Variants in PLCZ1 observed in about 807,000 individuals in gnomAD.
The protein encoded by PLCZ1 is 1-phosphatidylinositol 4,5-bisphosphate phosphodiesterase zeta-1.
A neutral mutation model predicts 76.8 loss-of-function variants in PLCZ1; 64 were observed. The observed-to-expected ratio is 0.83, with a 90% confidence interval of 0.68 to 1.03. The LOEUF is 1.03. Ranked by LOEUF, PLCZ1 falls within the 50% of genes least tolerant of loss-of-function variation. The pLI is 0.00. For missense variants in PLCZ1, 751 were observed against 713.7 expected (o/e 1.05, Z -0.60); for synonymous variants, 248 against 230.8 (o/e 1.07, Z -0.68).
chr12:18,678,110 CCA>C, the PLCZ1 span, among the ~76,000 whole-genome samples: 1 of 152,072 alleles, frequency 6.6e-6, no homozygotes, highest in African/African-American at 2.4e-5. Flanking sequence ...GCCCAGCTGT[CCA>C]CAGAGTCTAG....
chr12:18,725,625 A>G (rs1005145868), intron 3 of PLCZ1, among the ~76,000 whole-genome samples: 2 of 152,082 alleles, frequency 1.3e-5, no homozygotes, highest in Admixed American at 1.3e-4. Flanking sequence ...CCCCAACTGT[A>G]TTGTGTAGCA....
intron 3 of PLCZ1, among the ~76,000 whole-genome samples, chr12:18,732,626 T>C (rs1167929683): frequency 1.3e-5 from 2 of 152,174 alleles, no homozygotes; most frequent in African/African-American, 4.8e-5. Context: ...ACTTCCTTGT[T>C]TTCCCCTCCC....
chr12:18,719,052 T>C (rs1958279586), intron 5 of PLCZ1, among the ~76,000 whole-genome samples: 1 of 152,206 alleles, frequency 6.6e-6, no homozygotes, highest in South Asian at 2.1e-4. Context: ...TGTCCTGATG[T>C]CTGAGAATTA....
chr12:18,703,456 G>T (rs1956198855), intron 7 of PLCZ1, among the ~76,000 whole-genome samples: 1 of 152,188 alleles, frequency 6.6e-6, no homozygotes, highest in Non-Finnish European at 1.5e-5. Context: ...TAATACAGCT[G>T]TTTTTCTTCG....
At chr12:18,660,582 T>C in the PLCZ1 span, among the ~76,000 whole-genome samples, 1 of 152,100 alleles carries the variant, frequency 6.6e-6, no homozygotes, top group African/African-American at 2.4e-5. Flanking sequence ...GAGAAAGGTA[T>C]AGACTCAGAA....
intron 3 of PLCZ1, among the ~76,000 whole-genome samples, chr12:18,724,050 A>G (rs1351381044): frequency 1.3e-5 from 2 of 152,100 alleles, no homozygotes; most frequent in Non-Finnish European, 2.9e-5. Context: ...AATAAGAAAG[A>G]GTGGATTCGA....
chr12:18,693,612 C>A, intron 12 of PLCZ1: 2 of 1,570,094 alleles, frequency 1.3e-6, no homozygotes, highest in Non-Finnish European at 1.8e-6. Flanking sequence ...GAACGTGCAC[C>A]GTCCATTGTG....
chr12:18,713,500 G>A (rs779913842), intron 5 of PLCZ1, among the ~76,000 whole-genome samples: 1 of 152,150 alleles, frequency 6.6e-6, no homozygotes, highest in Non-Finnish European at 1.5e-5. Flanking sequence ...AAAAGATAAA[G>A]CATGACAATA....
the PLCZ1 span, among the ~76,000 whole-genome samples, chr12:18,652,943 G>A: frequency 6.6e-6 from 1 of 151,536 alleles, no homozygotes; most frequent in African/African-American, 2.4e-5. Context: ...CAGAGAGAGA[G>A]AGAGAAAGAG....
At chr12:18,726,290 A>G (rs1045666127) in intron 3 of PLCZ1, among the ~76,000 whole-genome samples, 12 of 152,212 alleles carry the variant, frequency 7.9e-5, no homozygotes, top group Admixed American at 5.9e-4. Flanking sequence ...TTAAACATAC[A>G]ACATAAAATA....
chr12:18,688,905 G>T (rs1439631450), intron 12 of PLCZ1, among the ~76,000 whole-genome samples: 1 of 151,878 alleles, frequency 6.6e-6, no homozygotes, highest in Non-Finnish European at 1.5e-5. Context: ...TCCAATTTCT[G>T]AAGGTTACAT....
At chr12:18,687,434 AG>A (rs1953328942) in intron 13 of PLCZ1, among the ~76,000 whole-genome samples, 1 of 152,150 alleles carries the variant, frequency 6.6e-6, no homozygotes, top group African/African-American at 2.4e-5. Context: ...GATCCTGACC[AG>A]GGATCAATCC....
intron 14 of PLCZ1, chr12:18,683,767 T>C: frequency 1.8e-6 from 1 of 565,354 alleles, no homozygotes. Flanking sequence ...GCTCCCAATC[T>C]CTTCTCCTCA....
intron 1 of PLCZ1, 156 bp from the exon 2 acceptor site, chr12:18,737,665 C>A (rs1959541246): frequency 1.9e-6 from 1 of 521,312 alleles, no homozygotes; most frequent in Non-Finnish European, 3.4e-6. Flanking sequence ...ACCTCCAAAC[C>A]CACAATATTT....
At chr12:18,723,257 G>GA in intron 4 of PLCZ1, 54 bp downstream of exon 4, 1 of 1,475,348 alleles carries the variant, frequency 6.8e-7, no homozygotes, top group Admixed American at 2.1e-5. Context: ...TTTGAAAAAA[G>GA]AAAAAATACT....
At chr12:18,731,481 C>T (rs966409247) in intron 3 of PLCZ1, among the ~76,000 whole-genome samples, 2 of 148,870 alleles carry the variant, frequency 1.3e-5, no homozygotes, top group African/African-American at 2.5e-5. Context: ...GGGGAAATAA[C>T]GTCAAAATGC....
At chr12:18,706,741 A>G (rs1956655091) in intron 6 of PLCZ1, among the ~76,000 whole-genome samples, 1 of 152,200 alleles carries the variant, frequency 6.6e-6, no homozygotes, top group African/African-American at 2.4e-5. Flanking sequence ...TTTTCACAGC[A>G]CTCAGAACAG....
chr12:18,706,054 C>T (rs1956569517), intron 6 of PLCZ1, among the ~76,000 whole-genome samples: 1 of 151,776 alleles, frequency 6.6e-6, no homozygotes, highest in Non-Finnish European at 1.5e-5. Context: ...TGGCGAAACC[C>T]CATCTCTACT....
At chr12:18,696,029 C>G in intron 11 of PLCZ1, 121 bp downstream of exon 11, 1 of 593,848 alleles carries the variant, frequency 1.7e-6, no homozygotes, top group Non-Finnish European at 3.1e-6. Context: ...TGCCTGACCC[C>G]AAAGCCCCCG....
Sources: allele counts gnomAD v4.1 joint callset (sites outside exome capture counted in the v4.1 genomes callset), GRCh38; gene constraint gnomAD v4.1.1; transcripts MANE v1.5; gene names NCBI Gene and HGNC (gene_info 2026-07-23, HGNC 2026-07-21).